Variants in MECOM observed in about 807,000 individuals in gnomAD.
MECOM encodes MDS1 and EVI1 complex locus, also known as histone-lysine N-methyltransferase MECOM.
A neutral mutation model predicts 116.3 loss-of-function variants in MECOM; 13 were observed. The observed-to-expected ratio is 0.11, with a 90% confidence interval of 0.07 to 0.18. The LOEUF (loss-of-function observed/expected upper bound fraction) is 0.18. MECOM is among the 10% of genes least tolerant of loss of function. MECOM has a pLI of 1.00. For missense variants in MECOM, 1,299 were observed against 1,509.0 expected, an observed-to-expected ratio of 0.86 and a Z score of 2.31; for synonymous variants, 528 against 535.2, an observed-to-expected ratio of 0.99 and a Z score of 0.19.
intron 1 of MECOM, among the ~76,000 whole-genome samples, chr3:169,483,202 A>ATTTT (rs200735642): frequency 3.1e-4 from 32 of 102,992 alleles, no homozygotes; most frequent in African/African-American, 1.1e-3. Context: ...TTTTATTTTT[A>ATTTT]TTTTTTTTTT....
At chr3:169,142,485 T>C (rs767928320) in intron 3 of MECOM, among the ~76,000 whole-genome samples, 8 of 152,000 alleles carry the variant, frequency 5.3e-5, no homozygotes, top group African/African-American at 1.9e-4. Context: ...ACTCATATGA[T>C]AGACGGAATA....
intron 1 of MECOM, among the ~76,000 whole-genome samples, chr3:169,616,221 C>G (rs796094257): frequency 1.2e-4 from 18 of 152,288 alleles, no homozygotes; most frequent in African/African-American, 4.3e-4. Context: ...GGCATGGAGG[C>G]ATCAAGGAAA....
chr3:169,252,619 T>C (rs1050910070), intron 2 of MECOM, among the ~76,000 whole-genome samples: 4 of 152,120 alleles, frequency 2.6e-5, no homozygotes, highest in African/African-American at 9.7e-5. Context: ...GCTAATTGTT[T>C]CATTAGTAAA....
Position 169,117,228 on chromosome 3 carries a change from C to T in MECOM, c.1133-489G>A, listed in dbSNP as rs186089595. Among the ~76,000 whole-genome samples the T allele has an allele frequency of 3.4e-3, 518 of 152,210 alleles. 11 individuals are homozygous for T. The highest frequency in any genetic ancestry group is 6.6e-4 in the Non-Finnish European group (45 of 68,016). ...TCAACCAGAAACTTCACCTTTATTG[C>T]CTCTCCCCTTGGGGAAAAAGCCTGT... On this transcript the variant is annotated intron_variant, in intron 7 of 16. Coordinates refer to ENST00000651503, the MANE Select transcript of MECOM (RefSeq NM_004991.4).
chr3:169,228,394 C>G (rs1752993395), intron 2 of MECOM, among the ~76,000 whole-genome samples: 1 of 152,086 alleles, frequency 6.6e-6, no homozygotes, highest in African/African-American at 2.4e-5. Flanking sequence ...CGATCAAAGA[C>G]TAAAAAGGAA....
At chr3:169,187,727 A>T (rs958754888) in intron 2 of MECOM, among the ~76,000 whole-genome samples, 9 of 152,160 alleles carry the variant, frequency 5.9e-5, no homozygotes, top group Non-Finnish European at 1.2e-4. Flanking sequence ...ATGGAACAAG[A>T]GACCAGACAT....
At chr3:169,374,876 TG>T (rs1730748760) in intron 2 of MECOM, among the ~76,000 whole-genome samples, 1 of 151,898 alleles carries the variant, frequency 6.6e-6, no homozygotes, top group South Asian at 2.1e-4. Context: ...CTACAAAAGA[TG>T]TTTTTTTTAA....
intron 2 of MECOM, among the ~76,000 whole-genome samples, chr3:169,257,916 G>A (rs749660290): frequency 6.6e-6 from 1 of 152,140 alleles, no homozygotes; most frequent in Admixed American, 6.6e-5. Context: ...TACAAGCAAA[G>A]AACATGCAGT....
chr3:169,401,898 C>T (rs1735965539), intron 1 of MECOM, among the ~76,000 whole-genome samples: 1 of 152,146 alleles, frequency 6.6e-6, no homozygotes, highest in African/African-American at 2.4e-5. Flanking sequence ...TCATGCCATA[C>T]CCTAGAGCTT....
chr3:169,435,364 C>G (rs1269953062), intron 1 of MECOM, among the ~76,000 whole-genome samples: 2 of 152,018 alleles, frequency 1.3e-5, no homozygotes, highest in Non-Finnish European at 2.9e-5. Context: ...ATACATCACC[C>G]GATTACTTGG....
intron 9 of MECOM, among the ~76,000 whole-genome samples, chr3:169,112,528 C>T (rs1727757276): frequency 6.6e-6 from 1 of 152,122 alleles, no homozygotes. Flanking sequence ...CCTGCTCACT[C>T]CAAAATGCAC....
intron 1 of MECOM, among the ~76,000 whole-genome samples, chr3:169,461,715 A>G (rs754653110): frequency 6.6e-6 from 1 of 152,166 alleles, no homozygotes. Flanking sequence ...AGTTAATCAC[A>G]GCTGCCTGTG....
At chr3:169,620,804 GA>G (rs1483323174) in intron 1 of MECOM, among the ~76,000 whole-genome samples, 1 of 152,194 alleles carries the variant, frequency 6.6e-6, no homozygotes, top group Non-Finnish European at 1.5e-5. Flanking sequence ...ACTCAACAAG[GA>G]ACTGAGATCT....
At chr3:169,431,358 A>G (rs1050855420) in intron 1 of MECOM, among the ~76,000 whole-genome samples, 1 of 152,178 alleles carries the variant, frequency 6.6e-6, no homozygotes, top group African/African-American at 2.4e-5. Context: ...AGGCTGCGAT[A>G]CCTTGCATAG....
At chr3:169,205,063 T>G (rs1749720374) in intron 2 of MECOM, among the ~76,000 whole-genome samples, 1 of 152,198 alleles carries the variant, frequency 6.6e-6, no homozygotes, top group South Asian at 2.1e-4. Flanking sequence ...TCCCTGTCTT[T>G]GTTTAGACCT....
At chr3:169,299,491 C>A (rs574601670) in intron 2 of MECOM, among the ~76,000 whole-genome samples, 147 of 152,258 alleles carry the variant, frequency 9.7e-4, no homozygotes, top group African/African-American at 3.4e-3. Flanking sequence ...GGGTTTGAGT[C>A]GCCATTGTAT....
intron 1 of MECOM, among the ~76,000 whole-genome samples, chr3:169,485,954 T>C (rs1578236986): frequency 5.1e-5 from 5 of 97,458 alleles, no homozygotes; most frequent in Admixed American, 2.4e-4. Context: ...TGTATATATG[T>C]ACATATATAC....
chr3:169,158,357 C>T (rs764380906), intron 2 of MECOM, among the ~76,000 whole-genome samples: 5 of 152,198 alleles, frequency 3.3e-5, no homozygotes, highest in Middle Eastern at 3.4e-3. Context: ...AACATATACA[C>T]GTTCAAGACT....
At chr3:169,115,303 T>C (rs1728791851) in intron 8 of MECOM, 80 bp downstream of exon 8, 1 of 1,422,330 alleles carries the variant, frequency 7.0e-7, no homozygotes, top group African/African-American at 1.4e-5. Flanking sequence ...AAATGATGTG[T>C]TAAAAAGCCA....
Sources: allele counts gnomAD v4.1 joint callset (sites outside exome capture counted in the v4.1 genomes callset), GRCh38; gene constraint gnomAD v4.1.1; transcripts MANE v1.5; gene names NCBI Gene and HGNC (gene_info 2026-07-23, HGNC 2026-07-21).